Variants in FAHD1 observed in about 807,000 individuals in gnomAD.
The protein encoded by FAHD1 is FAH domain containing oxaloacetate decarboxylase 1.
In FAHD1, 14 loss-of-function variants were observed where a neutral mutation model predicts 12.7. The observed-to-expected ratio is 1.10, with a 90% CI of 0.73 to 1.72. The LOEUF is 1.72. FAHD1 is among the 40% of genes most tolerant of loss of function. The probability of loss-of-function intolerance (pLI) is 0.00; values close to 1 mark genes in which losing one functional copy is unlikely to be tolerated. For missense variants in FAHD1, 351 were observed against 298.9 expected (o/e 1.17, Z -1.29); for synonymous variants, 153 against 124.9 (o/e 1.22, Z -1.50).
chr16:1,827,210 C>T lies in FAHD1; in HGVS notation c.-29C>T. 6.3e-7 allele frequency: 1 copy of T among 1,582,540 alleles called. No individual in the cohort carries two copies. The highest frequency in any genetic ancestry group is 2.3e-5 in the East Asian group (1 of 44,090). ...GGCATCAGCTGACCGGCCCAGCCCA[C>T]GTGACTACAGGGGCACTTGATGGGA... is the stretch of plus-strand genomic sequence containing the variant. On this transcript the variant is annotated 5_prime_UTR_variant, in exon 1 of 1. The change creates a new upstream start codon in the 5' untranslated region. Coordinates refer to ENST00000427358, the Ensembl canonical transcript of FAHD1.
At chr16:1,838,269 G>A in intron 2 of FAHD1, 2 of 409,746 alleles carry the variant, frequency 4.9e-6, no homozygotes, top group Non-Finnish European at 8.6e-6. Flanking sequence ...CAAAGTGGTA[G>A]GATTACAGGT....
downstream of FAHD1, chr16:1,828,935 C>T (rs182436430): frequency 1.7e-4 from 165 of 998,250 alleles, no homozygotes; most frequent in African/African-American, 2.6e-3. Flanking sequence ...TAATTTTTTT[C>T]CCCCCAGTAA....
At chr16:1,837,874 G>C (rs926138084) in intron 1 of FAHD1, 2 of 1,490,980 alleles carry the variant, frequency 1.3e-6, no homozygotes, top group Non-Finnish European at 1.8e-6. Context: ...CATGTACCTG[G>C]TTAAAAAAAA....
chr16:1,827,534 A>G (rs1408547462), exon 1 of FAHD1: 1 of 1,613,236 alleles, frequency 6.2e-7, no homozygotes, highest in Non-Finnish European at 8.5e-7. Flanking sequence ...CTGTGCCTGG[A>G]TATGACCGCC....
chr16:1,836,964 C>A (rs184825289), intron 1 of FAHD1, among the ~76,000 whole-genome samples: 38 of 152,236 alleles, frequency 2.5e-4, no homozygotes, highest in African/African-American at 8.2e-4. Context: ...AGTTGAGAAC[C>A]ATGAAGTGAA....
chr16:1,827,865 G>A (rs1898531731), exon 1 of FAHD1: 1 of 1,613,824 alleles, frequency 6.2e-7, no homozygotes, highest in African/African-American at 1.3e-5. Context: ...TACACGGGCT[G>A]GTCAGTATGA....
chr16:1,837,106 C>CT (rs1262728614), intron 1 of FAHD1, among the ~76,000 whole-genome samples: 1 of 152,138 alleles, frequency 6.6e-6, no homozygotes, highest in Non-Finnish European at 1.5e-5. Flanking sequence ...ACCTTGAACA[C>CT]AAAGACTCGA....
At chr16:1,835,797 T>A (rs1008551465) in intron 1 of FAHD1, among the ~76,000 whole-genome samples, 1 of 152,166 alleles carries the variant, frequency 6.6e-6, no homozygotes, top group Non-Finnish European at 1.5e-5. Context: ...GAGGTTCATC[T>A]ACAAGCAAAC....
downstream of FAHD1, among the ~76,000 whole-genome samples, chr16:1,830,913 T>TACACA (rs1567269113): frequency 2.0e-5 from 1 of 50,628 alleles, no homozygotes; most frequent in Admixed American, 2.5e-4. Context: ...CCTCTCTCTC[T>TACACA]CTATACACAC....
exon 2 of FAHD1, chr16:1,838,023 G>T (rs1269740330): frequency 1.4e-6 from 2 of 1,386,798 alleles, no homozygotes; most frequent in Admixed American, 5.5e-5. Context: ...TAGAGACAGG[G>T]TCTCACTCTG....
At chr16:1,827,358 G>A (rs1410990513) in exon 1 of FAHD1, 2 of 1,613,070 alleles carry the variant, frequency 1.2e-6, no homozygotes, top group South Asian at 1.1e-5. Context: ...GCGAGCCCGT[G>A]CTGTTCCTGA....
intron 1 of FAHD1, chr16:1,834,316 C>A (rs200103329): frequency 6.2e-7 from 1 of 1,613,046 alleles, no homozygotes; most frequent in Non-Finnish European, 8.5e-7. Context: ...CAAGCTTGCA[C>A]GAGAGTACAC....
downstream of FAHD1, among the ~76,000 whole-genome samples, chr16:1,830,965 C>A (rs1475817674): frequency 2.3e-5 from 3 of 128,620 alleles, no homozygotes; most frequent in African/African-American, 5.9e-5. Flanking sequence ...GGAAATGCGT[C>A]GGGATGGTGA....
chr16:1,839,356 A>G (rs1333544791), exon 3 of FAHD1: 1 of 1,614,126 alleles, frequency 6.2e-7, no homozygotes, highest in Non-Finnish European at 8.5e-7. Flanking sequence ...AAACTGAGAA[A>G]GACAGATTTA....
chr16:1,830,045 T>G (rs994259492), downstream of FAHD1, among the ~76,000 whole-genome samples: 12 of 152,164 alleles, frequency 7.9e-5, no homozygotes, highest in Admixed American at 3.3e-4. Flanking sequence ...GTATTTTTAG[T>G]AGAGACAGGG....
At chr16:1,827,525 T>G in exon 1 of FAHD1, 1 of 1,613,154 alleles carries the variant, frequency 6.2e-7, no homozygotes, top group Non-Finnish European at 8.5e-7. Flanking sequence ...GGCTATGCCC[T>G]GTGCCTGGAT....
exon 1 of FAHD1, chr16:1,827,992 C>T: frequency 6.5e-7 from 1 of 1,531,508 alleles, no homozygotes; most frequent in Non-Finnish European, 8.8e-7. Flanking sequence ...AATTAGAAAC[C>T]ATTTATTGGC....
At chr16:1,835,969 A>G (rs1163644166) in intron 1 of FAHD1, among the ~76,000 whole-genome samples, 1 of 150,438 alleles carries the variant, frequency 6.6e-6, no homozygotes, top group Non-Finnish European at 1.5e-5. Flanking sequence ...AAGCAATTCT[A>G]CTGCCTCAGC....
chr16:1,827,718 C>G (rs1321410525), exon 1 of FAHD1: 1 of 1,614,166 alleles, frequency 6.2e-7, no homozygotes, highest in Non-Finnish European at 8.5e-7. Flanking sequence ...GTGAGACATC[C>G]TCCATGATTT....
Sources: gnomAD v4.1 joint callset for allele counts (sites outside exome capture counted in the v4.1 genomes callset) on GRCh38, gnomAD v4.1.1 for gene constraint, MANE v1.5 for transcripts, NCBI Gene and HGNC (gene_info 2026-07-23, HGNC 2026-07-21) for gene names.